ACBD3: variants seen among roughly 807,000 people sequenced by gnomAD.
ACBD3 encodes the protein acyl-CoA binding domain containing 3, also known as Golgi resident protein GCP60.
A neutral mutation model predicts 66.9 loss-of-function variants in ACBD3; 30 were observed. The observed-to-expected ratio is 0.45, with a 90% CI of 0.34 to 0.61. The LOEUF (loss-of-function observed/expected upper bound fraction) is 0.61, where lower values mean the gene tolerates loss of function less well. Among genes scored for constraint, ACBD3 ranks in the 20% least tolerant of loss-of-function variants. The pLI is 0.02. For missense variants in ACBD3, 544 were observed against 664.5 expected (o/e 0.82, Z 1.99); for synonymous variants, 278 against 259.8 (o/e 1.07, Z -0.68).
intron 1 of ACBD3, among the ~76,000 whole-genome samples, chr1:226,171,433 G>C (rs1659990733): frequency 6.6e-6 from 1 of 152,152 alleles, no homozygotes; most frequent in Non-Finnish European, 1.5e-5. Context: ...ACAGGTGTGA[G>C]CCACTGTGCC....
intron 6 of ACBD3, among the ~76,000 whole-genome samples, chr1:226,153,483 T>A (rs1345874867): frequency 1.3e-5 from 2 of 152,196 alleles, no homozygotes. Context: ...AGGTCAATTG[T>A]CCCTTCCTCT....
intron 4 of ACBD3, 113 bp from the exon 5 acceptor site, chr1:226,159,471 C>T: frequency 1.1e-6 from 1 of 944,358 alleles, no homozygotes; most frequent in Non-Finnish European, 1.6e-6. Flanking sequence ...AACAACTAAG[C>T]TAGTAATGTA....
At chr1:226,178,470 G>A (rs1440476978) in intron 1 of ACBD3, among the ~76,000 whole-genome samples, 2 of 151,370 alleles carry the variant, frequency 1.3e-5, no homozygotes, top group Non-Finnish European at 2.9e-5. Context: ...AGCTACTCGG[G>A]AGGCTGAGGC....
In ACBD3 at chr1:226,164,977, G is replaced by A. The variant is rs779721368; in HGVS notation, c.429-48C>T. 1.3e-5 allele frequency: 19 copies of A among 1,477,940 alleles called. No individual in the cohort carries two copies. The African/African-American group carries it at 1.6e-4, about 12-fold the overall frequency. The allele number at this position is 1,477,940 out of a possible 1,614,324, so 91.6% of individuals were successfully genotyped here. A position where few individuals can be genotyped will look rare whatever the true frequency, so the allele number is the denominator to read the frequency against. The stretch of plus-strand genomic sequence containing the variant: ...TTACCTCCCCTTCTTAGTAGAATGA[G>A]AACTTTTAAATTTAAACCTAAATAT... On this transcript the variant is annotated intron_variant, in intron 2 of 7. Transcript: ENST00000366812.
At chr1:226,158,715 T>C (rs571974317) in intron 5 of ACBD3, among the ~76,000 whole-genome samples, 19 of 152,352 alleles carry the variant, frequency 1.2e-4, no homozygotes, top group East Asian at 1.9e-4. Context: ...TGTGCTGTTA[T>C]GAGCACTGCC....
intron 7 of ACBD3, among the ~76,000 whole-genome samples, chr1:226,151,745 C>T (rs1576229335): frequency 1.3e-5 from 2 of 152,200 alleles, no homozygotes; most frequent in Admixed American, 1.3e-4. Flanking sequence ...CTGTGGCTCA[C>T]GCCTGTAATC....
chr1:226,184,048 G>A (rs933188147), intron 1 of ACBD3, among the ~76,000 whole-genome samples: 12 of 151,958 alleles, frequency 7.9e-5, no homozygotes, highest in East Asian at 1.9e-4. Flanking sequence ...AAAATTAGCC[G>A]GGCGTGGTGG....
intron 5 of ACBD3, among the ~76,000 whole-genome samples, chr1:226,155,381 C>T (rs1275221897): frequency 6.9e-6 from 1 of 144,838 alleles, no homozygotes; most frequent in African/African-American, 2.6e-5. Context: ...CGTGCCATTG[C>T]ATTCCAGCCT....
intron 5 of ACBD3, 108 bp from the exon 6 acceptor site, chr1:226,154,941 G>A: frequency 1.2e-6 from 1 of 833,820 alleles, no homozygotes. Flanking sequence ...AAAGTGCTAT[G>A]CTCAAGAAAT....
chr1:226,170,802 C>G lies in ACBD3; in HGVS notation c.287-4802G>C, dbSNP rs1202755466. On this transcript the variant is annotated intron_variant, in intron 1 of 7. Coordinates refer to ENST00000366812, the MANE Select transcript of ACBD3 (RefSeq NM_022735.4). ...ATGATACGTTTGCTTCTTTTTGAGACAGGTTCTCACTCTGTCACCCAGGCT... is the reference window on the plus strand; with the variant it reads ...ATGATACGTTTGCTTCTTTTTGAGAGAGGTTCTCACTCTGTCACCCAGGCT... Among the ~76,000 whole-genome samples, 3 of 152,102 alleles carry G rather than the reference C, an allele frequency of 2.0e-5. No homozygotes were observed. In the East Asian group the frequency reaches 5.8e-4, roughly 29 times the overall value.
At position 226,149,529 on chromosome 1, in the gene ACBD3, CTTTTTTTTTTTT is replaced by C. The variant is rs1170130229; in HGVS notation, c.1376-2720_1376-2709del. 7.1e-4 allele frequency among the ~76,000 whole-genome samples: 21 copies of C among 29,614 alleles called. No individual in the cohort carries two copies. The South Asian group carries it at 7.7e-3, about 11-fold the overall frequency. The allele number at this position is 29,614 out of a possible 152,430, so 19.4% of individuals were successfully genotyped here. On this transcript the variant is annotated intron_variant, in intron 7 of 7. Coordinates refer to ENST00000366812, the MANE Select transcript of ACBD3 (RefSeq NM_022735.4). ...GGTGTCAGCCACTGCGCCCAGCCATCTTTTTTTTTTTTTTTTTTTTTTTTTTTTTGAGATGGG... is the reference window on the plus strand; with the variant it reads ...GGTGTCAGCCACTGCGCCCAGCCATCTTTTTTTTTTTTTTTTTGAGATGGG...
intron 1 of ACBD3, among the ~76,000 whole-genome samples, chr1:226,173,809 G>A (rs1655942112): frequency 8.1e-6 from 1 of 123,322 alleles, no homozygotes; most frequent in East Asian, 2.4e-4. Flanking sequence ...TGCCCAGGCT[G>A]GAGTGCAGTG....
chr1:226,155,982 T>C (rs960153904), intron 5 of ACBD3, among the ~76,000 whole-genome samples: 3 of 152,240 alleles, frequency 2.0e-5, no homozygotes, highest in East Asian at 3.8e-4. Context: ...TATGGACAGA[T>C]ACTACTTCAA....
At chr1:226,148,780 T>C (rs921062604) in intron 7 of ACBD3, among the ~76,000 whole-genome samples, 1 of 152,174 alleles carries the variant, frequency 6.6e-6, no homozygotes, top group African/African-American at 2.4e-5. Flanking sequence ...TCTTCTACCA[T>C]ATGAAATACA....
At position 226,161,653 on chromosome 1, in the gene ACBD3, T is replaced by TTCCTCTTCACGCCGCCTTCGC. The variant is rs767771506; in HGVS notation, c.585_605dup (p.Arg196_Glu202dup). On this transcript the variant is annotated inframe_insertion, in exon 4 of 8. Coordinates refer to ENST00000366812, the MANE Select transcript of ACBD3 (RefSeq NM_022735.4). ...CCTCCTTTTGCAGACGTTCTCTTTC[T>TTCCTCTTCACGCCGCCTTCGC]TCCTCTTCACGCCGCCTTCGCTCCT... 15 of 1,611,180 alleles carry TTCCTCTTCACGCCGCCTTCGC rather than the reference T, an allele frequency of 9.3e-6. No individual in the cohort carries two copies. The highest frequency in any genetic ancestry group is 3.4e-5 in the Admixed American group (2 of 59,580).
At chr1:226,184,084 G>A (rs1016153546) in intron 1 of ACBD3, among the ~76,000 whole-genome samples, 45 of 152,046 alleles carry the variant, frequency 3.0e-4, no homozygotes, top group Non-Finnish European at 5.7e-4. Flanking sequence ...CCAGCTACTC[G>A]GGAGGCTGAG....
At chr1:226,155,422 A>G (rs1576231255) in intron 5 of ACBD3, among the ~76,000 whole-genome samples, 1 of 151,864 alleles carries the variant, frequency 6.6e-6, no homozygotes, top group Admixed American at 6.6e-5. Flanking sequence ...CATCTCAAAA[A>G]AAAAAAAAAA....
At chr1:226,161,349 A>C (rs1288984292) in intron 4 of ACBD3, among the ~76,000 whole-genome samples, 182 bp downstream of exon 4, 1 of 152,152 alleles carries the variant, frequency 6.6e-6, no homozygotes, top group African/African-American at 2.4e-5. Context: ...TGTGTTAGCC[A>C]GGATAGTCTC....
In ACBD3 at chr1:226,165,853, T is replaced by C. The variant is rs1659867734; in HGVS notation, c.428+6A>G. 1 of 1,601,910 alleles carries C rather than the reference T, an allele frequency of 6.2e-7. No individual in the cohort carries two copies. The highest frequency in any genetic ancestry group is 1.3e-5 in the African/African-American group (1 of 74,102). ...TTAAATTCACTATACAGAAAAACACTGTTACCTCCTGTCATTCCCCAACAC... is the reference window on the plus strand; with the variant it reads ...TTAAATTCACTATACAGAAAAACACCGTTACCTCCTGTCATTCCCCAACAC... On this transcript the variant is annotated splice_donor_region_variant and intron_variant, in intron 2 of 7. Transcript: ENST00000366812.
Sources: gnomAD v4.1 joint callset for allele counts (sites outside exome capture counted in the v4.1 genomes callset) on GRCh38, gnomAD v4.1.1 for gene constraint, MANE v1.5 for transcripts, NCBI Gene and HGNC (gene_info 2026-07-23, HGNC 2026-07-21) for gene names.